ZIM2: variants seen among roughly 807,000 people sequenced by gnomAD.
ZIM2 encodes the protein zinc finger imprinted 2.
ZIM2 carries 14 observed loss-of-function variants against 38.6 expected under a neutral mutation model. The observed-to-expected ratio is 0.36, with a 90% CI of 0.24 to 0.57. The LOEUF is 0.57. ZIM2 is among the 20% of genes least tolerant of loss of function. The pLI, the probability that ZIM2 is intolerant of heterozygous loss-of-function variation, is 0.81. For synonymous variants in ZIM2, 247 were observed against 245.8 expected (o/e 1.00, Z -0.04); for missense variants, 680 against 695.1 (o/e 0.98, Z 0.24).
At chr19:56,835,724 A>AGT (rs1222201738) in intron 2 of ZIM2, among the ~76,000 whole-genome samples, 2 of 152,218 alleles carry the variant, frequency 1.3e-5, no homozygotes, top group Admixed American at 6.5e-5. Context: ...TTCACAAATG[A>AGT]GTGGATGAAT....
intron 9 of ZIM2, among the ~76,000 whole-genome samples, chr19:56,807,718 G>C (rs552554386): frequency 5.4e-4 from 82 of 152,212 alleles, no homozygotes; most frequent in Admixed American, 1.6e-3. Flanking sequence ...TCGAGCCCAG[G>C]AGGTTGAGGC....
chr19:56,825,429 G>A (rs750992792), intron 3 of ZIM2, among the ~76,000 whole-genome samples: 25 of 152,170 alleles, frequency 1.6e-4, no homozygotes, highest in Non-Finnish European at 2.6e-4. Flanking sequence ...TAAAAGAACC[G>A]GCTTTCTGTT....
chr19:56,828,496 A>C (rs1419348654), intron 2 of ZIM2, among the ~76,000 whole-genome samples: 1 of 152,224 alleles, frequency 6.6e-6, no homozygotes, highest in East Asian at 1.9e-4. Flanking sequence ...TTACAACAGC[A>C]GAGAACAGGG....
intron 9 of ZIM2, among the ~76,000 whole-genome samples, chr19:56,795,222 G>A (rs1245025414): frequency 2.0e-5 from 3 of 152,176 alleles, no homozygotes; most frequent in Non-Finnish European, 4.4e-5. Context: ...GAGCCGTCCT[G>A]GGTCCCTCCC....
At chr19:56,834,345 C>T (rs2061865675) in intron 2 of ZIM2, among the ~76,000 whole-genome samples, 1 of 152,148 alleles carries the variant, frequency 6.6e-6, no homozygotes, top group Admixed American at 6.5e-5. Context: ...GACAACATGG[C>T]TGTACCAGGC....
chr19:56,800,554 G>A (rs2047468685), intron 9 of ZIM2, among the ~76,000 whole-genome samples: 1 of 152,020 alleles, frequency 6.6e-6, no homozygotes, highest in South Asian at 2.1e-4. Flanking sequence ...GTAGTTTAGA[G>A]GTTATTTAAA....
At chr19:56,778,994 C>T (rs910885265) in intron 12 of ZIM2, among the ~76,000 whole-genome samples, 1 of 152,038 alleles carries the variant, frequency 6.6e-6, no homozygotes, top group South Asian at 2.1e-4. Context: ...GGGAAGGGAG[C>T]GTCTAGGTGT....
chr19:56,801,042 T>G (rs1412313279), intron 9 of ZIM2, among the ~76,000 whole-genome samples: 6 of 151,506 alleles, frequency 4.0e-5, no homozygotes, highest in Admixed American at 2.0e-4. Context: ...TTCAAGCAAT[T>G]CTCTGCCTCA....
intron 2 of ZIM2, among the ~76,000 whole-genome samples, chr19:56,830,045 G>A (rs952514945): frequency 4.6e-5 from 7 of 152,082 alleles, no homozygotes; most frequent in African/African-American, 1.7e-4. Flanking sequence ...TGGCCTAAAC[G>A]GGCCATCAAT....
chr19:56,789,913 T>C lies in ZIM2; in HGVS notation c.529A>G (p.Asn177Asp). Residue 177 changes from asparagine to aspartate, a missense_variant, in exon 10 of 13, where the codon AAC (asparagine) becomes GAC (aspartate). By Grantham distance (23) the Asn-to-Asp change is conservative. Coordinates refer to ENST00000629319, the MANE Select transcript of ZIM2 (RefSeq NM_001387356.1). ...AQDSVPAEKR[N>D]TEMLDNLPSA... ...GGCAGATTGTCTAACATCTCTGTGT[T>C]CCTCTTTTCTGCAGGGACAGAGTCC... 6.3e-7 allele frequency: 1 copy of C among 1,582,856 alleles called. No homozygotes were observed. Among genetic ancestry groups the C allele is most frequent in the Non-Finnish European group, 8.6e-7 (1 of 1,158,508 alleles).
At chr19:56,782,499 A>G (rs1399759303) in intron 10 of ZIM2, 1 of 452,870 alleles carries the variant, frequency 2.2e-6, no homozygotes, top group Non-Finnish European at 4.4e-6. Context: ...CATAACATGA[A>G]GAAATATTCA....
chr19:56,800,739 G>A (rs1296444239), intron 9 of ZIM2, among the ~76,000 whole-genome samples: 1 of 152,046 alleles, frequency 6.6e-6, no homozygotes, highest in Non-Finnish European at 1.5e-5. Context: ...TTTTAAAAGA[G>A]GTATGATAGA....
intron 9 of ZIM2, chr19:56,812,110 A>C: frequency 1.0e-6 from 1 of 975,550 alleles, no homozygotes; most frequent in Non-Finnish European, 1.2e-6. Flanking sequence ...ACATTTTGCA[A>C]ATCTTTTTTT....
At chr19:56,832,604 TA>T (rs1568713135) in intron 2 of ZIM2, among the ~76,000 whole-genome samples, 1 of 152,140 alleles carries the variant, frequency 6.6e-6, no homozygotes, top group African/African-American at 2.4e-5. Flanking sequence ...CAACAGCAGT[TA>T]GGGGCACACA....
intron 7 of ZIM2, among the ~76,000 whole-genome samples, chr19:56,820,972 CCT>C (rs1290064327): frequency 6.6e-6 from 1 of 152,206 alleles, no homozygotes; most frequent in Non-Finnish European, 1.5e-5. Flanking sequence ...ATAAGTGACC[CCT>C]CTCCTCCTTC....
intron 10 of ZIM2, among the ~76,000 whole-genome samples, chr19:56,787,461 A>G (rs1396277878): frequency 6.6e-6 from 1 of 152,070 alleles, no homozygotes; most frequent in Non-Finnish European, 1.5e-5. Context: ...TTTTTAGTAG[A>G]GACGGGGTTT....
intron 9 of ZIM2, among the ~76,000 whole-genome samples, chr19:56,804,417 C>T (rs2047663706): frequency 1.3e-5 from 2 of 152,226 alleles, no homozygotes; most frequent in African/African-American, 2.4e-5. Context: ...AGCTACTTCT[C>T]AAAGCCTAGA....
intron 1 of ZIM2, among the ~76,000 whole-genome samples, chr19:56,838,334 G>A (rs2062441107): frequency 6.6e-6 from 1 of 152,198 alleles, no homozygotes; most frequent in African/African-American, 2.4e-5. Flanking sequence ...ACTCAAGATG[G>A]CGCCTGCGCA....
Position 56,775,360 on chromosome 19 carries a change from C to G in ZIM2, c.1005G>C (p.Lys335Asn). The G allele has an allele frequency of 6.2e-7, 1 of 1,614,186 alleles. No homozygotes were observed. The highest frequency in any genetic ancestry group is 8.5e-7 in the Non-Finnish European group (1 of 1,180,022). Residue 335 changes from lysine to asparagine, a missense_variant, in exon 13 of 13, where the codon AAG (lysine) becomes AAC (asparagine). By Grantham distance (94) the Lys-to-Asn change is moderately conservative (BLOSUM62 0). Coordinates refer to ENST00000629319, the MANE Select transcript of ZIM2 (RefSeq NM_001387356.1). ...CAGGAGCAGTGCCTTCCTGGGGATC[C>G]TTTCCTAGAGGATCCTTTGATTGTT... ...LSKQSKDPLGKDPQEGTAPGI... is the reference protein window; with the variant it reads ...LSKQSKDPLGNDPQEGTAPGI...
Sources: allele counts gnomAD v4.1 joint callset (sites outside exome capture counted in the v4.1 genomes callset), GRCh38; gene constraint gnomAD v4.1.1; transcripts MANE v1.5; gene names NCBI Gene and HGNC (gene_info 2026-07-23, HGNC 2026-07-21).